The following ALPG variants were observed in gnomAD, a reference collection of about 807,000 sequenced individuals.
ALPG encodes the protein alkaline phosphatase, germ cell.
A neutral mutation model predicts 48.6 loss-of-function variants in ALPG; 32 were observed. The observed-to-expected ratio is 0.66, with a 90% CI of 0.50 to 0.88. The LOEUF is 0.88. Ranked by LOEUF, ALPG falls within the 40% of genes least tolerant of loss-of-function variation. The pLI is 0.00. For synonymous variants in ALPG, 244 were observed against 308.9 expected (o/e 0.79, Z 2.20); for missense variants, 533 against 718.1 (o/e 0.74, Z 2.95).
At position 232,407,296 on chromosome 2, in the gene ALPG, G is replaced by A. The variant is rs770533459; in HGVS notation, c.195G>A (p.Val65=). The change falls in exon 3 of 11, where the codon GTG becomes GTA. Residue 65 remains valine, a synonymous_variant. Coordinates refer to ENST00000295453, the MANE Select transcript of ALPG (RefSeq NM_031313.3). ...LIIFLGDGMG[V]STVTAARILK... is the part of the protein sequence containing the mutation. The stretch of plus-strand genomic sequence containing the variant: ...CTTCTGCTCCTTCAGGGATGGGGGT[G>A]TCTACGGTGACAGCTGCCAGGATCC... 6 of 1,614,002 alleles carry A rather than the reference G, an allele frequency of 3.7e-6. No individual in the cohort carries two copies. The highest frequency in any genetic ancestry group is 2.2e-5 in the East Asian group (1 of 44,874).
At position 232,407,051 on chromosome 2, in the gene ALPG, G is replaced by A. The variant is rs1300378281; in HGVS notation, c.68-6G>A. 2.5e-6 allele frequency: 4 copies of A among 1,613,736 alleles called. No homozygotes were observed. The South Asian group carries it at 4.4e-5, about 18-fold the overall frequency. On this transcript the variant is annotated splice_polypyrimidine_tract_variant and splice_region_variant and intron_variant, in intron 1 of 10. Coordinates refer to ENST00000295453, the MANE Select transcript of ALPG (RefSeq NM_031313.3). Reference sequence around the variant, plus strand: ...CTGACCTGATCTTTGCTCTCCCCCTGGCCAGTTGAGGAGGAGAACCCGGAC... The same window carrying A: ...CTGACCTGATCTTTGCTCTCCCCCTAGCCAGTTGAGGAGGAGAACCCGGAC...
rs1168609842 is a variant in ALPG, at chr2:232,410,161, C to T, written c.*289C>T. On this transcript the variant is annotated 3_prime_UTR_variant, in exon 11 of 11. Transcript: ENST00000295453. ...GAGGAGGCTCAGACCATCCAGCCCCCGCCCATATCCTGAGGTGGATCAGGC... is the reference window on the plus strand; with the variant it reads ...GAGGAGGCTCAGACCATCCAGCCCCTGCCCATATCCTGAGGTGGATCAGGC... The T allele has an allele frequency of 6.4e-5, 35 of 543,728 alleles. 1 individual carries two copies. Among genetic ancestry groups the T allele is most frequent in the South Asian group, 5.1e-4 (22 of 43,512 alleles). 33.7% of individuals were successfully genotyped at this position (543,728 alleles called of 1,614,324 possible).
At position 232,410,028 on chromosome 2, in the gene ALPG, A is replaced by G. The variant is rs1697162236; in HGVS notation, c.*156A>G. 1 of 1,210,194 alleles carries G rather than the reference A, an allele frequency of 8.3e-7. No individual in the cohort carries two copies. The highest frequency in any genetic ancestry group is 1.5e-5 in the African/African-American group (1 of 64,814). 75.0% of individuals were successfully genotyped at this position (1,210,194 alleles called of 1,614,324 possible). ...CTTCCCCTCCCGGTGCACCCTGGGGACCGAGCCCTTGACACCACGCCCTTT... is the reference window on the plus strand; with the variant it reads ...CTTCCCCTCCCGGTGCACCCTGGGGGCCGAGCCCTTGACACCACGCCCTTT... On this transcript the variant is annotated 3_prime_UTR_variant, in exon 11 of 11. Transcript: ENST00000295453.
At position 232,410,001 on chromosome 2, in the gene ALPG, ACCTT is replaced by A. The variant is rs1469614187; in HGVS notation, c.*132_*135del. 177 of 1,352,180 alleles carry A rather than the reference ACCTT, an allele frequency of 1.3e-4. 2 individuals are homozygous for A. In the East Asian group the frequency reaches 4.4e-3, roughly 34 times the overall value. 83.8% of individuals were successfully genotyped at this position (1,352,180 alleles called of 1,614,324 possible). A position where few individuals can be genotyped will look rare whatever the true frequency, so the allele number is the denominator to read the frequency against. ...CGCCACACAGACGTCCTGCCATGGA[ACCTT>A]CCCCTCCCGGTGCACCCTGGGGACC... On this transcript the variant is annotated 3_prime_UTR_variant, in exon 11 of 11. Coordinates refer to ENST00000295453, the MANE Select transcript of ALPG (RefSeq NM_031313.3).
At chr2:232,409,488 G>A in intron 10 of ALPG, 40 bp downstream of exon 10, 1 of 1,604,238 alleles carries the variant, frequency 6.2e-7, no homozygotes, top group South Asian at 1.1e-5. Flanking sequence ...GGACCAGGGT[G>A]CCAAGGATGG....
chr2:232,409,734 G>A lies in ALPG; in HGVS notation c.1461G>A (p.Leu487=), dbSNP rs773883228. Residue 487 remains leucine (L), a synonymous_variant, in exon 11 of 11, where the codon CTG becomes CTA. Transcript: ENST00000295453. ...IAHVMAFAAC[L]EPYTACDLAP... is the part of the protein sequence containing the mutation. ...ACGTCATGGCCTTCGCCGCCTGCCT[G>A]GAGCCCTACACCGCCTGCGACCTGG... 3.0e-5 allele frequency: 49 copies of A among 1,610,038 alleles called. 1 individual carries two copies. The highest frequency in any genetic ancestry group is 3.9e-5 in the Non-Finnish European group (46 of 1,178,724).
rs200991140 is a variant in ALPG at position 232,406,977 on chromosome 2, C to G, written c.67+16C>G. The G allele has an allele frequency of 1.1e-4, 181 of 1,598,880 alleles. No individual in the cohort carries two copies. In the East Asian group the frequency reaches 1.5e-3, roughly 13 times the overall value. On this transcript the variant is annotated intron_variant, in intron 1 of 10. Transcript: ENST00000295453. Reference sequence around the variant, plus strand: ...ATCATCCCAGGTAATGAGGCTCCCCCAGCTGCCCCTACACACACACACACA... The same window carrying G: ...ATCATCCCAGGTAATGAGGCTCCCCGAGCTGCCCCTACACACACACACACA...
intron 3 of ALPG, 59 bp downstream of exon 3, chr2:232,407,460 G>C: frequency 6.3e-7 from 1 of 1,598,116 alleles, no homozygotes; most frequent in Non-Finnish European, 8.5e-7. Context: ...TGGCTATGGA[G>C]TGTGGTAGGA....
At position 232,406,944 on chromosome 2, in the gene ALPG, C is replaced by T; in HGVS notation, c.50C>T (p.Ser17Phe). ...CTGCTGGGCCTGAGGCTACAGCTCTCCCTGGGCATCATCCCAGGTAATGAG... is the reference window on the plus strand; with the variant it reads ...CTGCTGGGCCTGAGGCTACAGCTCTTCCTGGGCATCATCCCAGGTAATGAG... ...LLLLGLRLQLSLGIIPVEEEN... is the reference protein window; with the variant it reads ...LLLLGLRLQLFLGIIPVEEEN... The change falls in exon 1 of 11, where the codon TCC becomes TTC. Residue 17 changes from serine to phenylalanine, a missense_variant. Around this residue, in one of 6 missense-constraint regions of ALPG, gnomAD observed 315 missense variants for 305.8 expected, o/e 1.03. Transcript: ENST00000295453. 1 of 1,613,164 alleles carries T rather than the reference C, an allele frequency of 6.2e-7. No individual in the cohort carries two copies. Among genetic ancestry groups the T allele is most frequent in the Non-Finnish European group, 8.5e-7 (1 of 1,179,830 alleles).
At position 232,407,910 on chromosome 2, in the gene ALPG, C is replaced by G; in HGVS notation, c.541C>G (p.His181Asp). 1 of 1,613,512 alleles carries G rather than the reference C, an allele frequency of 6.2e-7. No homozygotes were observed. Among genetic ancestry groups the G allele is most frequent in the South Asian group, 1.1e-5 (1 of 90,988 alleles). ...QHASPAGAYA[H>D]TVNRNWYSDA... Reference sequence around the variant, plus strand: ...TGCCTCGCCAGCCGGCGCCTACGCCCACACGGTGAACCGCAACTGGTACTC... The same window carrying G: ...TGCCTCGCCAGCCGGCGCCTACGCCGACACGGTGAACCGCAACTGGTACTC... Residue 181 changes from histidine to aspartate, a missense_variant, in exon 5 of 11, where the codon CAC becomes GAC. Transcript: ENST00000295453.
chr2:232,409,724 C>A lies in ALPG; in HGVS notation c.1451C>A (p.Ala484Asp). 6.2e-7 allele frequency: 1 copy of A among 1,610,488 alleles called. No individual in the cohort carries two copies. Among genetic ancestry groups the A allele is most frequent in the Non-Finnish European group, 8.5e-7 (1 of 1,178,818 alleles). ...TTCATAGCGCACGTCATGGCCTTCG[C>A]CGCCTGCCTGGAGCCCTACACCGCC... ...QTFIAHVMAF[A>D]ACLEPYTACD... The change falls in exon 11 of 11, where the codon GCC becomes GAC. Residue 484 changes from alanine (A) to aspartate (D), a missense_variant. This residue lies in a region of ALPG where 145 missense variants were observed against 174.3 expected (regional missense o/e 0.83). Coordinates refer to ENST00000295453, the MANE Select transcript of ALPG (RefSeq NM_031313.3).
At position 232,407,596 on chromosome 2, in the gene ALPG, A is replaced by G. The variant is rs764124959; in HGVS notation, c.303A>G (p.Thr101=). 6 of 1,613,856 alleles carry G rather than the reference A, an allele frequency of 3.7e-6. No individual in the cohort carries two copies. In the South Asian group the frequency reaches 6.6e-5, roughly 18 times the overall value. Residue 101 remains threonine (T), a splice_region_variant and synonymous_variant, in exon 4 of 11, where the codon ACA becomes ACG. Coordinates refer to ENST00000295453, the MANE Select transcript of ALPG (RefSeq NM_031313.3). ...GCTCAGAGTGTCTCTGTCCCCAGAC[A>G]TACAGTGTAGACAAGCATGTGCCAG... ...DRFPYVALSK[T]YSVDKHVPDS... is the part of the protein sequence containing the mutation.
intron 1 of ALPG, 37 bp from the exon 2 acceptor site, chr2:232,407,020 C>G (rs1697093277): frequency 1.9e-6 from 3 of 1,613,722 alleles, no homozygotes; most frequent in Non-Finnish European, 2.5e-6. Context: ...CACCCCCCAG[C>G]CCAGGCTGAC....
Position 232,408,392 on chromosome 2 carries a change from G to A in ALPG, c.774G>A (p.Ala258=), listed in dbSNP as rs1324468004. The change falls in exon 6 of 11, where the codon GCG becomes GCA. Residue 258 remains alanine (A), a synonymous_variant. Coordinates refer to ENST00000295453, the MANE Select transcript of ALPG (RefSeq NM_031313.3). Reference sequence around the variant, plus strand: ...AGAATCTGGTGCAGGAATGGCTGGCGAAGCACCAGGTGATGGGGGCTGGTG... The same window carrying A: ...AGAATCTGGTGCAGGAATGGCTGGCAAAGCACCAGGTGATGGGGGCTGGTG... The part of the protein sequence containing the change: ...DGKNLVQEWL[A]KHQGARYVWN... 27 of 1,546,820 alleles carry A rather than the reference G, an allele frequency of 1.7e-5. 1 individual carries two copies. Among genetic ancestry groups the A allele is most frequent in the South Asian group, 2.2e-5 (2 of 89,092 alleles).
Position 232,408,968 on chromosome 2 carries a change from C to A in ALPG, c.1039C>A (p.Leu347Met), listed in dbSNP as rs1244886773. 5.0e-6 allele frequency: 5 copies of A among 990,508 alleles called. No individual in the cohort carries two copies. Among genetic ancestry groups the A allele is most frequent in the Non-Finnish European group, 7.3e-6 (5 of 683,382 alleles). 61.4% of individuals were successfully genotyped at this position (990,508 alleles called of 1,614,324 possible). ...TCATGAAAGCAGGGCTTACCGGGCA[C>A]TGACTGAGACGATCATGTTCGACGA... ...GHHESRAYRA[L>M]TETIMFDDAI... The change falls in exon 9 of 11, where the codon CTG (leucine) becomes ATG (methionine). Residue 347 changes from leucine (L) to methionine (M), a missense_variant. By Grantham distance (15) the Leu-to-Met change is conservative (BLOSUM62 2). Transcript: ENST00000295453.
At position 232,407,685 on chromosome 2, in the gene ALPG, T is replaced by C; in HGVS notation, c.392T>C (p.Leu131Ser). ...AAGGGCAACTTCCAGACCATTGGCT[T>C]GAGTGCAGCCGCCCGCTTTAACCAG... Reference protein sequence around the residue: ...GVKGNFQTIGLSAAARFNQCN... With the variant: ...GVKGNFQTIGSSAAARFNQCN... The change falls in exon 4 of 11, where the codon TTG becomes TCG. Residue 131 changes from leucine (L) to serine (S), a missense_variant. Transcript: ENST00000295453. 1 of 1,613,778 alleles carries C rather than the reference T, an allele frequency of 6.2e-7. No homozygotes were observed. The highest frequency in any genetic ancestry group is 1.7e-4 in the Middle Eastern group (1 of 6,060).
rs1197528285 is a variant in ALPG, at chr2:232,410,081, C to T, written c.*209C>T. The T allele has an allele frequency of 1.2e-5, 10 of 821,006 alleles. No homozygotes were observed. The highest frequency in any genetic ancestry group is 1.8e-5 in the Non-Finnish European group (10 of 544,600). 50.9% of individuals were successfully genotyped at this position (821,006 alleles called of 1,614,324 possible). On this transcript the variant is annotated 3_prime_UTR_variant, in exon 11 of 11. Coordinates refer to ENST00000295453, the MANE Select transcript of ALPG (RefSeq NM_031313.3). Reference sequence around the variant, plus strand: ...TTTATCTTGCTCTTGAAATTTTGGCCCCAACTCCAGGGACTGGGGATTTGT... The same window carrying T: ...TTTATCTTGCTCTTGAAATTTTGGCTCCAACTCCAGGGACTGGGGATTTGT...
chr2:232,408,125 G>T (rs1697124226), intron 5 of ALPG, 108 bp downstream of exon 5: 1 of 1,566,122 alleles, frequency 6.4e-7, no homozygotes. Flanking sequence ...AGGGTCTGGA[G>T]GTGGGGTTGG....
Position 232,408,380 on chromosome 2 carries a change from G to A in ALPG, c.762G>A (p.Gln254=), listed in dbSNP as rs1697129387. The A allele has an allele frequency of 6.2e-7, 1 of 1,601,980 alleles. No homozygotes were observed. Among genetic ancestry groups the A allele is most frequent in the Non-Finnish European group, 8.5e-7 (1 of 1,173,122 alleles). The change falls in exon 6 of 11, where the codon CAG becomes CAA. Residue 254 remains glutamine, a synonymous_variant. Coordinates refer to ENST00000295453, the MANE Select transcript of ALPG (RefSeq NM_031313.3). ...GTRLDGKNLV[Q]EWLAKHQGAR... Reference sequence around the variant, plus strand: ...GGCTGGACGGGAAGAATCTGGTGCAGGAATGGCTGGCGAAGCACCAGGTGA... The same window carrying A: ...GGCTGGACGGGAAGAATCTGGTGCAAGAATGGCTGGCGAAGCACCAGGTGA...
Sources: allele counts gnomAD v4.1 joint callset, GRCh38; gene constraint gnomAD v4.1.1; regional missense constraint gnomAD v4.1.1; transcripts MANE v1.5; gene names NCBI Gene and HGNC (gene_info 2026-07-23, HGNC 2026-07-21).